SYTL2: variants seen among roughly 807,000 people sequenced by gnomAD.
SYTL2 encodes the protein synaptotagmin-like protein 2.
A neutral mutation model predicts 198.7 loss-of-function variants in SYTL2; 165 were observed. That is an observed-to-expected ratio of 0.83 (90% CI 0.73 to 0.94). SYTL2 has a LOEUF of 0.94. SYTL2 is among the 40% of genes least tolerant of loss of function. The pLI, the probability that SYTL2 is intolerant of heterozygous loss-of-function variation, is 0.00. For synonymous variants in SYTL2, 966 were observed against 917.7 expected, an observed-to-expected ratio of 1.05 and a Z score of -0.95; for missense variants, 2,835 against 2,582.8, an observed-to-expected ratio of 1.10 and a Z score of -2.12.
chr11:85,758,731 C>CA (rs2091989948), intron 1 of SYTL2, among the ~76,000 whole-genome samples: 1 of 152,150 alleles, frequency 6.6e-6, no homozygotes, highest in Admixed American at 6.5e-5. Flanking sequence ...AAGGAAGAGG[C>CA]AGAGTTTCAA....
intron 1 of SYTL2, among the ~76,000 whole-genome samples, chr11:85,798,612 G>A (rs187973986): frequency 1.3e-5 from 2 of 152,310 alleles, no homozygotes; most frequent in East Asian, 3.9e-4. Context: ...TTATTACAGT[G>A]AAAAGATACA....
chr11:85,729,624 C>T (rs545080948), intron 7 of SYTL2, among the ~76,000 whole-genome samples: 3 of 152,228 alleles, frequency 2.0e-5, no homozygotes, highest in African/African-American at 7.2e-5. Context: ...ACTAAATGCC[C>T]ACAGGAGAAA....
chr11:85,838,014 T>G, the SYTL2 span, among the ~76,000 whole-genome samples: 1 of 152,122 alleles, frequency 6.6e-6, no homozygotes, highest in African/African-American at 2.4e-5. Flanking sequence ...TTTTTATTTA[T>G]TTATGCCGGT....
chr11:85,833,019 G>GA, the SYTL2 span, among the ~76,000 whole-genome samples: 94 of 20,298 alleles, frequency 4.6e-3, 3 homozygotes, highest in Middle Eastern at 0.075. Context: ...AGAAAAGAAA[G>GA]AAAGAAAGAA....
In SYTL2 at chr11:85,808,488, GAA is replaced by G. The variant is rs542748521; in HGVS notation, c.-390+2464_-390+2465del. ...AAACATTCTTCATTCTGAAAAATGGGAAAAAAGTGGATGTCTCCCCAGGGACT... is the reference window on the plus strand; with the variant it reads ...AAACATTCTTCATTCTGAAAAATGGGAAAAGTGGATGTCTCCCCAGGGACT... On this transcript the variant is annotated intron_variant, in intron 1 of 19. Coordinates refer to ENST00000359152, the MANE Select transcript of SYTL2 (RefSeq NM_206927.4). Among the ~76,000 whole-genome samples the G allele has an allele frequency of 1.5e-3, 221 of 152,166 alleles. 1 individual carries two copies. Among genetic ancestry groups the G allele is most frequent in the African/African-American group, 5.0e-3 (208 of 41,510 alleles).
intron 2 of SYTL2, among the ~76,000 whole-genome samples, chr11:85,757,196 G>A (rs2153550306): frequency 6.6e-6 from 1 of 152,134 alleles, no homozygotes; most frequent in East Asian, 1.9e-4. Context: ...AAAGCATGCA[G>A]AAATGTGAGC....
intron 2 of SYTL2, among the ~76,000 whole-genome samples, chr11:85,752,951 A>AC (rs796626814): frequency 4.7e-4 from 63 of 133,852 alleles, no homozygotes; most frequent in South Asian, 3.4e-3. Flanking sequence ...AAAAAAAAAA[A>AC]CACAACTAGG....
intron 1 of SYTL2, among the ~76,000 whole-genome samples, chr11:85,767,191 T>C (rs2092259864): frequency 6.6e-6 from 1 of 152,338 alleles, no homozygotes; most frequent in East Asian, 1.9e-4. Flanking sequence ...ATTCTTTGCG[T>C]GGATGAGGAA....
the SYTL2 span, among the ~76,000 whole-genome samples, chr11:85,844,154 C>T: frequency 1.3e-5 from 2 of 152,190 alleles, no homozygotes; most frequent in Admixed American, 6.5e-5. Flanking sequence ...GTGACTCTAT[C>T]GTGTAAGCCC....
chr11:85,740,091 T>C (rs117999686), intron 4 of SYTL2, among the ~76,000 whole-genome samples: 2,594 of 152,276 alleles, frequency 0.017, 44 homozygotes, highest in South Asian at 0.031. Flanking sequence ...GTGGTGTCTT[T>C]CTTCTGTTCA....
chr11:85,757,193 G>A (rs2153550298), intron 2 of SYTL2, among the ~76,000 whole-genome samples: 1 of 152,212 alleles, frequency 6.6e-6, no homozygotes, highest in African/African-American at 2.4e-5. Context: ...CTGAAAGCAT[G>A]CAGAAATGTG....
At position 85,707,514 on chromosome 11, in the gene SYTL2, A is replaced by G; in HGVS notation, c.5933T>C (p.Leu1978Ser). The G allele has an allele frequency of 6.2e-7, 1 of 1,611,650 alleles. No individual in the cohort carries two copies. The highest frequency in any genetic ancestry group is 8.5e-7 in the Non-Finnish European group (1 of 1,178,192). Reference sequence around the variant, plus strand: ...GCCCATTTTGCCTTTGTCTGGTAGCAAATAGGCCTTTACATATCTGAAAAG... The same window carrying G: ...GCCCATTTTGCCTTTGTCTGGTAGCGAATAGGCCTTTACATATCTGAAAAG... ...QRSDPYVKAYLLPDKGKMGKK... is the reference protein window; with the variant it reads ...QRSDPYVKAYSLPDKGKMGKK... Residue 1978 changes from leucine (L) to serine (S), a missense_variant, in exon 15 of 20, where the codon TTG (leucine) becomes TCG (serine). Leu to Ser is a moderately radical substitution (Grantham distance 145). Transcript: ENST00000359152.
At chr11:85,846,796 C>G in the SYTL2 span, among the ~76,000 whole-genome samples, 1 of 148,820 alleles carries the variant, frequency 6.7e-6, no homozygotes, top group African/African-American at 2.5e-5. Flanking sequence ...TGCAGTGGCA[C>G]AGTCTCGCCT....
At chr11:85,837,878 T>A in the SYTL2 span, among the ~76,000 whole-genome samples, 4 of 152,302 alleles carry the variant, frequency 2.6e-5, no homozygotes, top group African/African-American at 9.6e-5. Context: ...GCTTTCTCAA[T>A]CTCAGTACTG....
chr11:85,767,175 T>A (rs2092259228), intron 1 of SYTL2, among the ~76,000 whole-genome samples: 1 of 152,222 alleles, frequency 6.6e-6, no homozygotes, highest in Non-Finnish European at 1.5e-5. Flanking sequence ...CAGAGAGTCA[T>A]AACTAATTCT....
At chr11:85,793,925 CA>C (rs1219656322) in intron 1 of SYTL2, among the ~76,000 whole-genome samples, 1 of 152,010 alleles carries the variant, frequency 6.6e-6, no homozygotes, top group East Asian at 1.9e-4. Flanking sequence ...AAAAATAAGT[CA>C]AAAAAAGAAG....
At chr11:85,834,766 T>C in the SYTL2 span, among the ~76,000 whole-genome samples, 2 of 151,954 alleles carry the variant, frequency 1.3e-5, no homozygotes, top group East Asian at 1.9e-4. Flanking sequence ...TTTTCTTTTT[T>C]TTTTTTCTTT....
At position 85,725,690 on chromosome 11, in the gene SYTL2, GTTCCAGTTGC is replaced by G. The variant is rs1391706212; in HGVS notation, c.3658_3667del (p.Ala1220LeufsTer31). The G allele has an allele frequency of 6.2e-7, 1 of 1,614,052 alleles. No homozygotes were observed. On this transcript the variant is annotated frameshift_variant, in exon 8 of 20. Coordinates refer to ENST00000359152, the MANE Select transcript of SYTL2 (RefSeq NM_206927.4). LOFTEE classifies it high-confidence loss of function. ...CTTGGCTTGCAAGGGAGAGGGTGAA[GTTCCAGTTGC>G]TTCCTTCAGGAGTTTGTCTAGACTA...
At chr11:85,756,009 T>C (rs938134961) in intron 2 of SYTL2, among the ~76,000 whole-genome samples, 1 of 152,152 alleles carries the variant, frequency 6.6e-6, no homozygotes, top group Non-Finnish European at 1.5e-5. Flanking sequence ...GAAATACCAT[T>C]TCCCCTTATG....
Sources: gnomAD v4.1 joint callset for allele counts (sites outside exome capture counted in the v4.1 genomes callset) on GRCh38, gnomAD v4.1.1 for gene constraint, MANE v1.5 for transcripts, NCBI Gene and HGNC (gene_info 2026-07-23, HGNC 2026-07-21) for gene names.